The following DOCK11 variants were observed in gnomAD, a reference collection of about 807,000 sequenced individuals.
DOCK11 encodes the protein dedicator of cytokinesis 11, also known as dedicator of cytokinesis protein 11.
Under a neutral mutation model 169.1 loss-of-function variants are expected in DOCK11, and 70 were observed. The ratio of observed to expected loss-of-function variants is 0.41; its 90% CI spans 0.34 to 0.51. The LOEUF (loss-of-function observed/expected upper bound fraction) is 0.51. Ranked by LOEUF, DOCK11 falls within the 20% of genes least tolerant of loss-of-function variation. DOCK11 has a pLI of 0.10. For synonymous variants in DOCK11, 529 were observed against 541.3 expected, an observed-to-expected ratio of 0.98 and a Z score of 0.32; for missense variants, 1,166 against 1,538.8, an observed-to-expected ratio of 0.76 and a Z score of 4.05.
intron 35 of DOCK11, chrX:118,632,350 G>T (rs2015265439): frequency 1.8e-5 from 2 of 112,038 alleles, no homozygotes; most frequent in Non-Finnish European, 3.8e-5. Flanking sequence ...CGAATATTCA[G>T]TCTTTGTTAA....
intron 30 of DOCK11, among the ~76,000 whole-genome samples, chrX:118,617,732 A>G (rs1482037368): frequency 9.1e-6 from 1 of 109,370 alleles, no homozygotes; most frequent in Non-Finnish European, 1.9e-5. Context: ...ATACAAAAAG[A>G]ATTAGTTGGG....
intron 10 of DOCK11, among the ~76,000 whole-genome samples, chrX:118,569,827 G>A (rs1317582088): frequency 3.6e-5 from 4 of 110,415 alleles, no homozygotes; most frequent in Non-Finnish European, 7.6e-5. Context: ...TTCCAAGCAT[G>A]TCTGAGTCTT....
intron 1 of DOCK11, among the ~76,000 whole-genome samples, chrX:118,512,323 A>AT (rs1305720796): frequency 1.8e-5 from 2 of 111,998 alleles, no homozygotes; most frequent in South Asian, 7.4e-4. Flanking sequence ...AAAGGAAGGT[A>AT]TTTTTTTTCC....
rs61729105 is a variant in DOCK11, at chrX:118,676,001, A to G, written c.5265A>G (p.Thr1755=). 1.1e-4 allele frequency: 131 copies of G among 1,200,540 alleles called. No individual in the cohort carries two copies. In the African/African-American group the frequency reaches 2.1e-3, roughly 19 times the overall value. The change falls in exon 47 of 53, where the codon ACA becomes ACG. Residue 1755 remains threonine (T), a synonymous_variant. Coordinates refer to ENST00000276202, the MANE Select transcript of DOCK11 (RefSeq NM_144658.4). ...AYTKILEVMH[T]KKRLLGTFFR... is the part of the protein sequence containing the mutation. ...CAAAAATTCTGGAAGTTATGCATAC[A>G]AAAAAGAGACTTTTAGGCACTTTCT...
chrX:118,681,911 G>T (rs1465594318), intron 51 of DOCK11, 117 bp downstream of exon 51: 1 of 496,039 alleles, frequency 2.0e-6, no homozygotes. Flanking sequence ...ATTCTCTGTG[G>T]TCTTTTACAA....
chrX:118,507,190 G>A (rs1347756919), intron 1 of DOCK11, among the ~76,000 whole-genome samples: 1 of 112,028 alleles, frequency 8.9e-6, no homozygotes, highest in Non-Finnish European at 1.9e-5. Flanking sequence ...AATGTTAGAA[G>A]ATATTCTGAT....
intron 36 of DOCK11, among the ~76,000 whole-genome samples, chrX:118,637,277 G>T (rs2015414875): frequency 9.0e-6 from 1 of 111,183 alleles, no homozygotes; most frequent in African/African-American, 3.3e-5. Context: ...GGTCAAACAA[G>T]AATAGCCATG....
chrX:118,685,822 AC>A lies in DOCK11; in HGVS notation c.*16del. ...CTGAAGTGTGAGGAAATGCAGATGTACGTGACAATGAGACTGACCTTTCTCA... is the reference window on the plus strand; with the variant it reads ...CTGAAGTGTGAGGAAATGCAGATGTAGTGACAATGAGACTGACCTTTCTCA... On this transcript the variant is annotated 3_prime_UTR_variant, in exon 53 of 53. Coordinates refer to ENST00000276202, the MANE Select transcript of DOCK11 (RefSeq NM_144658.4). The A allele has an allele frequency of 1.7e-6, 2 of 1,208,961 alleles. No individual in the cohort carries two copies. Among genetic ancestry groups the A allele is most frequent in the Non-Finnish European group, 2.2e-6 (2 of 893,999 alleles).
chrX:118,676,130 C>A, intron 47 of DOCK11, 81 bp downstream of exon 47: 1 of 639,571 alleles, frequency 1.6e-6, no homozygotes, highest in Non-Finnish European at 2.4e-6. Flanking sequence ...AGCTAGGAGT[C>A]TATCCAGATA....
chrX:118,640,744 T>G (rs2015508944), intron 38 of DOCK11, among the ~76,000 whole-genome samples: 1 of 112,080 alleles, frequency 8.9e-6, no homozygotes, highest in African/African-American at 3.2e-5. Flanking sequence ...CTAATGAAAT[T>G]GATTAACCCA....
At position 118,585,043 on chromosome X, in the gene DOCK11, C is replaced by A; in HGVS notation, c.1721C>A (p.Pro574Gln). 8.3e-7 allele frequency: 1 copy of A among 1,207,266 alleles called. No homozygotes were observed. The highest frequency in any genetic ancestry group is 3.0e-5 in the East Asian group (1 of 33,811). Reference sequence around the variant, plus strand: ...AAATATTATTATTTTATACCCAGGCCAGAAAAGACCAAACTGCAGATTATT... The same window carrying A: ...AAATATTATTATTTTATACCCAGGCAAGAAAAGACCAAACTGCAGATTATT... ...ILKLLSEYKKPEKTKLQIIPG... is the reference protein window; with the variant it reads ...ILKLLSEYKKQEKTKLQIIPG... The change falls in exon 16 of 53, where the codon CCA becomes CAA. Residue 574 changes from proline to glutamine, a missense_variant and splice_region_variant. Transcript: ENST00000276202.
chrX:118,636,296 A>G (rs774233739), intron 35 of DOCK11, 50 bp from the exon 36 acceptor site: 2 of 805,013 alleles, frequency 2.5e-6, no homozygotes, highest in South Asian at 2.7e-5. Context: ...TCACTGTGCT[A>G]TTTGCTGTAA....
Position 118,608,078 on chromosome X carries a change from C to G in DOCK11, c.2688C>G (p.Leu896=). The change falls in exon 25 of 53, where the codon CTC becomes CTG. Residue 896 remains leucine (L), a synonymous_variant. Transcript: ENST00000276202. Reference sequence around the variant, plus strand: ...CTTGTGAATGTCGTTTCAGGGTTCTCTTACATATTGTATCAAAGTGCCATG... The same window carrying G: ...CTTGTGAATGTCGTTTCAGGGTTCTGTTACATATTGTATCAAAGTGCCATG... The part of the protein sequence containing the change: ...DDVPINCTMV[L]LHIVSKCHEE... The G allele has an allele frequency of 8.3e-7, 1 of 1,201,196 alleles. No homozygotes were observed. The highest frequency in any genetic ancestry group is 3.0e-5 in the East Asian group (1 of 33,771).
At chrX:118,609,455 G>A in intron 27 of DOCK11, 106 bp downstream of exon 27, 1 of 561,926 alleles carries the variant, frequency 1.8e-6, no homozygotes, top group Non-Finnish European at 2.7e-6. Context: ...CTCTCAGATA[G>A]CCATGCCATG....
intron 1 of DOCK11, among the ~76,000 whole-genome samples, chrX:118,534,170 G>A (rs2011673787): frequency 8.9e-6 from 1 of 112,219 alleles, no homozygotes; most frequent in African/African-American, 3.2e-5. Flanking sequence ...AGCACAAAAA[G>A]CCAGGAGGAA....
chrX:118,542,689 T>A, intron 1 of DOCK11, 36 bp from the exon 2 acceptor site: 1 of 1,004,065 alleles, frequency 1.0e-6, no homozygotes. Flanking sequence ...TCTTGTGAGT[T>A]TGATCATAAT....
intron 41 of DOCK11, 96 bp from the exon 42 acceptor site, chrX:118,651,868 C>A: frequency 1.9e-6 from 1 of 536,002 alleles, no homozygotes; most frequent in Non-Finnish European, 3.1e-6. Context: ...TTAAAAGAAG[C>A]ATTTCATGTG....
chrX:118,632,969 T>TGGGGGGGGGGGGGGGGGGGG (rs766019635), intron 35 of DOCK11: 1 of 35,826 alleles, frequency 2.8e-5, no homozygotes, highest in African/African-American at 1.5e-4. Context: ...TGGGGGGCGG[T>TGGGGGGGGGGGGGGGGGGGG]GGGGGGGGGG....
chrX:118,674,296 C>T (rs1238941113), intron 46 of DOCK11, among the ~76,000 whole-genome samples: 1 of 110,923 alleles, frequency 9.0e-6, no homozygotes, highest in Non-Finnish European at 1.9e-5. Context: ...GAGGTGCACA[C>T]CACCACTCCC....
Sources: allele counts gnomAD v4.1 joint callset (sites outside exome capture counted in the v4.1 genomes callset), GRCh38; gene constraint gnomAD v4.1.1; transcripts MANE v1.5; gene names NCBI Gene and HGNC (gene_info 2026-07-23, HGNC 2026-07-21).